The following ZNF300 variants were observed in gnomAD, a reference collection of about 807,000 sequenced individuals.
ZNF300 encodes zinc finger protein 300, also known as kruppel-like zinc finger protein.
In ZNF300, 6 loss-of-function variants were observed where a neutral mutation model predicts 13.9. The ratio of observed to expected loss-of-function variants is 0.43; its 90% CI spans 0.24 to 0.85. ZNF300 has a LOEUF of 0.85. ZNF300 is among the 40% of genes least tolerant of loss of function. The pLI, the probability that ZNF300 is intolerant of heterozygous loss-of-function variation, is 0.25. For missense variants in ZNF300, 662 were observed against 714.2 expected (o/e 0.93, Z 0.83); for synonymous variants, 237 against 242.2 (o/e 0.98, Z 0.20).
chr5:150,896,797 C>G lies in ZNF300; in HGVS notation c.442G>C (p.Val148Leu), dbSNP rs772660444. The G allele has an allele frequency of 4.3e-6, 7 of 1,613,730 alleles. No homozygotes were observed. Among genetic ancestry groups the G allele is most frequent in the Non-Finnish European group, 5.1e-6 (6 of 1,179,768 alleles). The change falls in exon 6 of 6, where the codon GTC becomes CTC. Residue 148 changes from valine (V) to leucine (L), a missense_variant. Transcript: ENST00000274599. Reference sequence around the variant, plus strand: ...ACTGTTTTGCTGTTAACAAATGTGACCTGCCTGAAGAGTTTGTCTTGATTC... The same window carrying G: ...ACTGTTTTGCTGTTAACAAATGTGAGCTGCCTGAAGAGTTTGTCTTGATTC... ...LENQDKLFRQ[V>L]TFVNSKTVTE...
At chr5:150,900,784 CAT>C (rs1754970150) in intron 3 of ZNF300, 1 of 151,554 alleles carries the variant, frequency 6.6e-6, no homozygotes, top group South Asian at 2.1e-4. Flanking sequence ...AGAAAAGTAA[CAT>C]AAGAAAGATA....
Position 150,896,467 on chromosome 5 carries a change from G to A in ZNF300, c.772C>T (p.Gln258Ter), listed in dbSNP as rs1274804190. ...TCTTTAGTTTCCACATTCTGATATT[G>A]AATAAGGGATTGTGTATTTCTAAAA... is the stretch of plus-strand genomic sequence containing the variant. The part of the protein sequence containing the change: ...NVFRNTQSLI[Q>*]YQNVETKEKS... Residue 258 changes from glutamine (Q) to a stop codon, truncating the protein, a stop_gained, in exon 6 of 6, where the codon CAA (glutamine) becomes TAA (stop). Coordinates refer to ENST00000274599, the MANE Select transcript of ZNF300 (RefSeq NM_052860.4). LOFTEE classifies it low-confidence loss of function (END_TRUNC). 1 of 1,613,448 alleles carries A rather than the reference G, an allele frequency of 6.2e-7. No individual in the cohort carries two copies. The highest frequency in any genetic ancestry group is 8.5e-7 in the Non-Finnish European group (1 of 1,179,760).
rs558746235 is a variant in ZNF300 at position 150,904,544 on chromosome 5, C to T, written c.-142+160G>A. Among the ~76,000 whole-genome samples the T allele has an allele frequency of 3.9e-5, 6 of 152,074 alleles. No individual in the cohort carries two copies. In the South Asian group the frequency reaches 1.2e-3, roughly 32 times the overall value. ...TGCAAGCCATTCCTGACCTAATAGA[C>T]ACCCCCTCACCTCTCACTTCCCTGT... On this transcript the variant is annotated intron_variant, in intron 1 of 5. Coordinates refer to ENST00000274599, the MANE Select transcript of ZNF300 (RefSeq NM_052860.4).
In ZNF300 at chr5:150,898,085, T is replaced by G; in HGVS notation, c.242A>C (p.Glu81Ala). Residue 81 changes from glutamate to alanine, a missense_variant, in exon 5 of 6, where the codon GAA (glutamate) becomes GCA (alanine). Coordinates refer to ENST00000274599, the MANE Select transcript of ZNF300 (RefSeq NM_052860.4). ...GDISNWIYPDEYQADGRQDRK... is the reference protein window; with the variant it reads ...GDISNWIYPDAYQADGRQDRK... ...CCCTTGTCTCCCATCTGCCTGATATTCATCTGGATAGATCCAATTTGATAT... is the reference window on the plus strand; with the variant it reads ...CCCTTGTCTCCCATCTGCCTGATATGCATCTGGATAGATCCAATTTGATAT... The G allele has an allele frequency of 6.2e-7, 1 of 1,611,028 alleles. No homozygotes were observed. Among genetic ancestry groups the G allele is most frequent in the Non-Finnish European group, 8.5e-7 (1 of 1,179,122 alleles).
At chr5:150,898,386 T>C (rs768900550) in intron 4 of ZNF300, 42 bp downstream of exon 4, 1 of 1,613,326 alleles carries the variant, frequency 6.2e-7, no homozygotes, top group Non-Finnish European at 8.5e-7. Flanking sequence ...GGAAAGGCAC[T>C]TGATTGGACA....
chr5:150,903,270 A>C (rs1755046146), intron 2 of ZNF300, 88 bp from the exon 3 acceptor site: 1 of 1,608,374 alleles, frequency 6.2e-7, no homozygotes, highest in Non-Finnish European at 8.5e-7. Context: ...GCAACAACTA[A>C]CATCAGAAGT....
intron 3 of ZNF300, among the ~76,000 whole-genome samples, chr5:150,901,804 ATAT>A (rs1411357719): frequency 1.3e-5 from 2 of 152,122 alleles, no homozygotes; most frequent in African/African-American, 4.8e-5. Flanking sequence ...CCACAAGGAA[ATAT>A]TATGCATCTG....
In ZNF300 at chr5:150,896,204, T is replaced by A; in HGVS notation, c.1035A>T (p.Arg345Ser). 1 of 1,613,648 alleles carries A rather than the reference T, an allele frequency of 6.2e-7. No homozygotes were observed. Among genetic ancestry groups the A allele is most frequent in the Non-Finnish European group, 8.5e-7 (1 of 1,179,788 alleles). ...SQKSSLIIHQRVHTGEKPYEC... is the reference protein window; with the variant it reads ...SQKSSLIIHQSVHTGEKPYEC... ...CATAGGGTTTTTCCCCAGTGTGAAC[T>A]CTCTGATGTATAATAAGGGACGATT... The change falls in exon 6 of 6, where the codon AGA becomes AGT. Residue 345 changes from arginine (R) to serine (S), a missense_variant. Transcript: ENST00000274599.
At chr5:150,900,675 A>T (rs2113026915) in intron 3 of ZNF300, 1 of 152,218 alleles carries the variant, frequency 6.6e-6, no homozygotes, top group Non-Finnish European at 1.5e-5. Context: ...TACTTAAGAA[A>T]CGTTTGTTAA....
chr5:150,895,496 T>C lies in ZNF300; in HGVS notation c.1743A>G (p.Ile581Met), dbSNP rs1754723092. The C allele has an allele frequency of 1.2e-6, 2 of 1,613,342 alleles. No homozygotes were observed. Among genetic ancestry groups the C allele is most frequent in the Non-Finnish European group, 1.7e-6 (2 of 1,179,602 alleles). Residue 581 changes from isoleucine (I) to methionine (M), a missense_variant, in exon 6 of 6, where the codon ATA becomes ATG. Transcript: ENST00000274599. ...ACTTCTGGATGAAGGCCTTCCCACA[T>C]ATAGCACATTGATAGGGTCTTTCCC... is the stretch of plus-strand genomic sequence containing the variant. ...HTGERPYQCA[I>M]CGKAFIQKSQ...
chr5:150,901,923 A>G (rs1755007331), intron 3 of ZNF300, among the ~76,000 whole-genome samples: 1 of 151,994 alleles, frequency 6.6e-6, no homozygotes, highest in Non-Finnish European at 1.5e-5. Flanking sequence ...AGGTTGCAGA[A>G]CAAAATATTT....
intron 3 of ZNF300, chr5:150,900,837 A>C (rs904360143): frequency 5.9e-5 from 9 of 152,136 alleles, no homozygotes; most frequent in African/African-American, 2.2e-4. Context: ...TGAGAGGTAA[A>C]TTCATAGATG....
At chr5:150,901,111 T>C (rs534368852) in intron 3 of ZNF300, among the ~76,000 whole-genome samples, 2 of 152,122 alleles carry the variant, frequency 1.3e-5, no homozygotes, top group South Asian at 2.1e-4. Context: ...TTCTGGATGG[T>C]AGGGAACTAA....
chr5:150,895,443 T>C lies in ZNF300; in HGVS notation c.1796A>G (p.His599Arg), dbSNP rs1281772839. Residue 599 changes from histidine (H) to arginine (R), a missense_variant, in exon 6 of 6, where the codon CAC becomes CGC. His to Arg is a conservative substitution (Grantham distance 29). Coordinates refer to ENST00000274599, the MANE Select transcript of ZNF300 (RefSeq NM_052860.4). Reference sequence around the variant, plus strand: ...AGTTCATTATGATTTTACCACTGTGTGAATTCTCTGGTGTACAGTTAGTTG... The same window carrying C: ...AGTTCATTATGATTTTACCACTGTGCGAATTCTCTGGTGTACAGTTAGTTG... ...KSQLTVHQRI[H>R]TVVKS 1 of 1,604,908 alleles carries C rather than the reference T, an allele frequency of 6.2e-7. No individual in the cohort carries two copies. Among genetic ancestry groups the C allele is most frequent in the Non-Finnish European group, 8.5e-7 (1 of 1,174,238 alleles).
At chr5:150,897,847 C>T in intron 5 of ZNF300, 1 of 484,206 alleles carries the variant, frequency 2.1e-6, no homozygotes. Context: ...CTTTAAAACC[C>T]TTTCAGGAAA....
At position 150,896,259 on chromosome 5, in the gene ZNF300, C is replaced by T. The variant is rs977584194; in HGVS notation, c.980G>A (p.Cys327Tyr). 3 of 1,613,582 alleles carry T rather than the reference C, an allele frequency of 1.9e-6. No homozygotes were observed. In the African/African-American group the frequency reaches 4.0e-5, roughly 22 times the overall value. Reference protein sequence around the residue: ...RTHTGEKPYDCSECGKAFSQK... With the variant: ...RTHTGEKPYDYSECGKAFSQK... ...AGAGAAGGCTTTTCCACATTCAGAA[C>T]AATCATAAGGTTTCTCCCCAGTATG... Residue 327 changes from cysteine to tyrosine, a missense_variant, in exon 6 of 6, where the codon TGT becomes TAT. Physicochemically the swap from Cys to Tyr is radical, Grantham distance 194. Transcript: ENST00000274599.
In ZNF300 at chr5:150,896,521, G is replaced by A. The variant is rs552370671; in HGVS notation, c.718C>T (p.Pro240Ser). 3.5e-5 allele frequency: 57 copies of A among 1,613,590 alleles called. 1 individual carries two copies. The South Asian group carries it at 6.0e-4, about 17-fold the overall frequency. Residue 240 changes from proline to serine, a missense_variant, in exon 6 of 6, where the codon CCT (proline) becomes TCT (serine). By Grantham distance (74) the Pro-to-Ser change is moderately conservative (BLOSUM62 -1). Coordinates refer to ENST00000274599, the MANE Select transcript of ZNF300 (RefSeq NM_052860.4). ...NLEKIHNGVIPFDDNQCGNVF... is the reference protein window; with the variant it reads ...NLEKIHNGVISFDDNQCGNVF... The stretch of plus-strand genomic sequence containing the variant: ...TTTCCACACTGATTATCATCAAAAG[G>A]TATTACTCCATTGTGAATCTTCTCA...
In ZNF300 at chr5:150,895,123, G is replaced by A. The variant is rs1158116530; in HGVS notation, c.*301C>T. 1 of 249,134 alleles carries A rather than the reference G, an allele frequency of 4.0e-6. No homozygotes were observed. Among genetic ancestry groups the A allele is most frequent in the Non-Finnish European group, 7.6e-6 (1 of 132,218 alleles). The allele number at this position is 249,134 out of a possible 1,614,324, so 15.4% of individuals were successfully genotyped here. A position where few individuals can be genotyped will look rare whatever the true frequency, so the allele number is the denominator to read the frequency against. ...TAATATTAGCAGTTTCACAATGGCT[G>A]ATTATCATTTTGTAGTATAAGGAAT... is the stretch of plus-strand genomic sequence containing the variant. On this transcript the variant is annotated 3_prime_UTR_variant, in exon 6 of 6. Transcript: ENST00000274599.
At chr5:150,901,277 G>T (rs1199389898) in intron 3 of ZNF300, among the ~76,000 whole-genome samples, 1 of 151,984 alleles carries the variant, frequency 6.6e-6, no homozygotes, top group East Asian at 1.9e-4. Context: ...ACATTTTCTA[G>T]GAACCACATT....
Sources: gnomAD v4.1 joint callset for allele counts (sites outside exome capture counted in the v4.1 genomes callset) on GRCh38, gnomAD v4.1.1 for gene constraint, MANE v1.5 for transcripts, NCBI Gene and HGNC (gene_info 2026-07-23, HGNC 2026-07-21) for gene names.